Variants in KLHL7 observed in about 807,000 individuals in gnomAD.
KLHL7 encodes the protein kelch like family member 7, also known as kelch-like protein 7.
A neutral mutation model predicts 67.4 loss-of-function variants in KLHL7; 44 were observed. The observed-to-expected ratio is 0.65, with a 90% confidence interval of 0.51 to 0.84. The LOEUF (loss-of-function observed/expected upper bound fraction) is 0.84. KLHL7 is among the 40% of genes least tolerant of loss of function. The pLI is 0.00. For synonymous variants in KLHL7, 252 were observed against 243.3 expected, an observed-to-expected ratio of 1.04 and a Z score of -0.33; for missense variants, 362 against 718.1, an observed-to-expected ratio of 0.50 and a Z score of 5.67.
intron 4 of KLHL7, among the ~76,000 whole-genome samples, chr7:23,132,064 CT>C (rs2128462302): frequency 6.6e-6 from 1 of 152,276 alleles, no homozygotes; most frequent in African/African-American, 2.4e-5. Flanking sequence ...TTGATGGACA[CT>C]TACGTTGCTT....
chr7:23,153,789 A>G (rs1044646771), intron 7 of KLHL7, among the ~76,000 whole-genome samples: 1 of 152,178 alleles, frequency 6.6e-6, no homozygotes, highest in Non-Finnish European at 1.5e-5. Flanking sequence ...CTCCTACTCT[A>G]GATTTTACTT....
chr7:23,175,515 A>T lies in KLHL7; in HGVS notation c.*1217A>T. 2.7e-6 allele frequency: 1 copy of T among 366,228 alleles called. No homozygotes were observed. The allele number at this position is 366,228 out of a possible 1,614,324, so 22.7% of individuals were successfully genotyped here. A position where few individuals can be genotyped will look rare whatever the true frequency, so the allele number is the denominator to read the frequency against. On this transcript the variant is annotated 3_prime_UTR_variant, in exon 11 of 11. Transcript: ENST00000339077. ...TCTTAATTTTCAGTTTTCTTTATAT[A>T]GAGGTTATAATAGTCTTAAACCCTA...
At chr7:23,128,650 G>C (rs1038884087) in intron 4 of KLHL7, among the ~76,000 whole-genome samples, 1 of 151,872 alleles carries the variant, frequency 6.6e-6, no homozygotes, top group Admixed American at 6.6e-5. Flanking sequence ...AAATGTCACG[G>C]TAAGTTTTAT....
chr7:23,131,430 A>G lies in KLHL7; in HGVS notation c.442+6258A>G, dbSNP rs150472588. Among the ~76,000 whole-genome samples, 601 of 152,350 alleles carry G rather than the reference A, an allele frequency of 3.9e-3. 3 individuals are homozygous for G. The highest frequency in any genetic ancestry group is 0.013 in the African/African-American group (542 of 41,576). ...ATCTTTGAAAATGAATCAAGGCTTT[A>G]AAGAGGATTATAGTAGATATTTCAT... On this transcript the variant is annotated intron_variant, in intron 4 of 10. Transcript: ENST00000339077.
intron 6 of KLHL7, 148 bp from the exon 7 acceptor site, chr7:23,151,919 C>T (rs1583706713): frequency 1.4e-6 from 1 of 739,154 alleles, no homozygotes; most frequent in Non-Finnish European, 2.4e-6. Context: ...TTTCTCCTGC[C>T]TCTTCCCCCT....
In KLHL7 at chr7:23,141,659, G is replaced by T. The variant is rs1421785448; in HGVS notation, c.618+715G>T. On this transcript the variant is annotated intron_variant, in intron 5 of 10. Transcript: ENST00000339077. ...ATTTATTGAGACGGAGTCTCGCTCT[G>T]TTGCCCAGGCTGGAATGCAGTGGCG... Among the ~76,000 whole-genome samples, 10 of 151,840 alleles carry T rather than the reference G, an allele frequency of 6.6e-5. 1 individual carries two copies. The highest frequency in any genetic ancestry group is 5.2e-4 in the Admixed American group (8 of 15,272).
intron 1 of KLHL7, among the ~76,000 whole-genome samples, chr7:23,110,726 T>C (rs1782834010): frequency 1.3e-5 from 2 of 150,784 alleles, no homozygotes; most frequent in Admixed American, 6.6e-5. Context: ...TAACTCGTCA[T>C]TTAGTATTAG....
At chr7:23,167,692 A>T in intron 8 of KLHL7, 144 bp from the exon 9 acceptor site, 1 of 702,960 alleles carries the variant, frequency 1.4e-6, no homozygotes, top group Non-Finnish European at 2.5e-6. Context: ...AACTATTCCT[A>T]CACTTTGTTG....
intron 6 of KLHL7, among the ~76,000 whole-genome samples, chr7:23,148,428 C>T (rs1784430831): frequency 6.8e-6 from 1 of 147,730 alleles, no homozygotes; most frequent in African/African-American, 2.5e-5. Context: ...CCCAAAGCTA[C>T]TTGAACCAAA....
At chr7:23,108,504 C>G (rs1782738042) in intron 1 of KLHL7, among the ~76,000 whole-genome samples, 1 of 152,176 alleles carries the variant, frequency 6.6e-6, no homozygotes, top group Non-Finnish European at 1.5e-5. Flanking sequence ...ATCCCACCAA[C>G]AAGACGAGAA....
chr7:23,113,236 T>C (rs1782948867), intron 1 of KLHL7, among the ~76,000 whole-genome samples: 1 of 152,196 alleles, frequency 6.6e-6, no homozygotes. Flanking sequence ...AATGGTATTA[T>C]GGCTGTCAGT....
chr7:23,123,462 A>G (rs1341144673), intron 1 of KLHL7, among the ~76,000 whole-genome samples: 1 of 151,890 alleles, frequency 6.6e-6, no homozygotes, highest in Non-Finnish European at 1.5e-5. Flanking sequence ...TTACCATGAG[A>G]AATGTCCTAG....
chr7:23,127,177 G>A (rs181883475), intron 4 of KLHL7, among the ~76,000 whole-genome samples: 24 of 152,326 alleles, frequency 1.6e-4, no homozygotes, highest in Admixed American at 5.9e-4. Flanking sequence ...CTCCTGGGGT[G>A]ATTCAACTAC....
At chr7:23,106,246 C>G in intron 1 of KLHL7, 100 bp downstream of exon 1, 1 of 1,549,842 alleles carries the variant, frequency 6.5e-7, no homozygotes, top group South Asian at 1.2e-5. Context: ...GATCGCGCCC[C>G]TCTTTCTCTG....
At chr7:23,142,653 G>A (rs1284690744) in intron 5 of KLHL7, among the ~76,000 whole-genome samples, 3 of 152,002 alleles carry the variant, frequency 2.0e-5, no homozygotes, top group Admixed American at 6.6e-5. Context: ...CTCTATGATC[G>A]TCCTCCTAAA....
rs745666303 is a variant in KLHL7, at chr7:23,152,086, A to G, written c.813A>G (p.Leu271=). 5.1e-5 allele frequency: 82 copies of G among 1,613,818 alleles called. No individual in the cohort carries two copies. Among genetic ancestry groups the G allele is most frequent in the Non-Finnish European group, 6.6e-5 (78 of 1,179,836 alleles). The change falls in exon 7 of 11, where the codon CTA becomes CTG. Residue 271 remains leucine, a synonymous_variant. Transcript: ENST00000339077. The part of the protein sequence containing the change: ...KMVISGMRYH[L]LSPEDREELV... ...CTACAGGTGGAATGAGGTACCATCT[A>G]CTGTCTCCAGAGGACCGAGAAGAAC... is the stretch of plus-strand genomic sequence containing the variant.
At chr7:23,130,934 C>T (rs188123978) in intron 4 of KLHL7, among the ~76,000 whole-genome samples, 12 of 152,210 alleles carry the variant, frequency 7.9e-5, no homozygotes, top group African/African-American at 2.9e-4. Context: ...ACAGGTATAG[C>T]AACAAAAAGA....
chr7:23,131,083 G>A (rs988330833), intron 4 of KLHL7, among the ~76,000 whole-genome samples: 3 of 152,154 alleles, frequency 2.0e-5, no homozygotes, highest in African/African-American at 7.2e-5. Flanking sequence ...TGTCATCTGA[G>A]CAACCATTTA....
chr7:23,141,285 G>C (rs1253075442), intron 5 of KLHL7, among the ~76,000 whole-genome samples: 1 of 152,200 alleles, frequency 6.6e-6, no homozygotes, highest in Non-Finnish European at 1.5e-5. Context: ...TATCCAAATG[G>C]GCCCAGTGTA....
Sources: gnomAD v4.1 joint callset for allele counts (sites outside exome capture counted in the v4.1 genomes callset) on GRCh38, gnomAD v4.1.1 for gene constraint, MANE v1.5 for transcripts, NCBI Gene and HGNC (gene_info 2026-07-23, HGNC 2026-07-21) for gene names.